DRC7: variants seen among roughly 807,000 people sequenced by gnomAD.
DRC7 encodes the protein coiled-coil domain containing 135.
DRC7 carries 80 observed loss-of-function variants against 104.4 expected under a neutral mutation model. The observed-to-expected ratio is 0.77, with a 90% confidence interval of 0.64 to 0.92. The LOEUF (loss-of-function observed/expected upper bound fraction) is 0.92. Among genes scored for constraint, DRC7 ranks in the 40% least tolerant of loss-of-function variants. DRC7 has a pLI of 0.00. For missense variants in DRC7, 1,034 were observed against 1,141.1 expected, an observed-to-expected ratio of 0.91 and a Z score of 1.35; for synonymous variants, 405 against 447.3, an observed-to-expected ratio of 0.91 and a Z score of 1.19.
rs1293591774 is a variant in DRC7 at position 57,724,791 on chromosome 16, A to G, written c.1714A>G (p.Lys572Glu). 6.2e-7 allele frequency: 1 copy of G among 1,613,746 alleles called. No homozygotes were observed. Among genetic ancestry groups the G allele is most frequent in the South Asian group, 1.1e-5 (1 of 91,074 alleles). ...TGCCAGCTTCGGACCCCGAGTCAAG[A>G]AGCTCACTCTGAGCAGTGCAGAGTC... The part of the protein sequence containing the change: ...RHASFGPRVK[K>E]LTLSSAESNP... The change falls in exon 13 of 19, where the codon AAG (lysine) becomes GAG (glutamate). Residue 572 changes from lysine (K) to glutamate (E), a missense_variant. Physicochemically the swap from Lys to Glu is moderately conservative, Grantham distance 56. Coordinates refer to ENST00000360716, the MANE Select transcript of DRC7 (RefSeq NM_001289162.2).
At chr16:57,696,683 A>G (rs975896739) in intron 2 of DRC7, 89 bp downstream of exon 2, 1 of 152,230 alleles carries the variant, frequency 6.6e-6, no homozygotes, top group African/African-American at 2.4e-5. Flanking sequence ...TGCGTGGATC[A>G]CAGAATGAAG....
chr16:57,727,195 T>A (rs554436609), intron 15 of DRC7, 104 bp from the exon 16 acceptor site: 2 of 930,898 alleles, frequency 2.1e-6, no homozygotes, highest in South Asian at 2.8e-5. Flanking sequence ...GGTCTCAAAC[T>A]CCTGAATTCA....
rs779873072 is a variant in DRC7 at position 57,724,641 on chromosome 16, G to A, written c.1564G>A (p.Glu522Lys). The A allele has an allele frequency of 6.2e-7, 1 of 1,613,686 alleles. No individual in the cohort carries two copies. The highest frequency in any genetic ancestry group is 8.5e-7 in the Non-Finnish European group (1 of 1,179,804). Residue 522 changes from glutamate (E) to lysine (K), a missense_variant, in exon 13 of 19, where the codon GAG (glutamate) becomes AAG (lysine). Transcript: ENST00000360716. ...GCACTCGTACAAGTCCATGCAACCTGAGATGGACCGTGTCATTGAGTTTTA... is the reference window on the plus strand; with the variant it reads ...GCACTCGTACAAGTCCATGCAACCTAAGATGGACCGTGTCATTGAGTTTTA... ...RVHSYKSMQP[E>K]MDRVIEFYET...
chr16:57,707,967 C>T (rs2048751262), intron 8 of DRC7: 2 of 460,208 alleles, frequency 4.3e-6, no homozygotes, highest in Non-Finnish European at 8.0e-6. Context: ...AAAGTACACT[C>T]ATCCCATGCA....
rs760477972 is a variant in DRC7, at chr16:57,726,237, A to G, written c.1928A>G (p.Lys643Arg). The change falls in exon 14 of 19, where the codon AAA becomes AGA. Residue 643 changes from lysine (K) to arginine (R), a missense_variant. Lys to Arg is a conservative substitution (Grantham distance 26). Coordinates refer to ENST00000360716, the MANE Select transcript of DRC7 (RefSeq NM_001289162.2). Reference sequence around the variant, plus strand: ...CTGCGGCGCACCGAGGTGGACAGCAAAGGCAACAAGATCATCATGACGCCC... The same window carrying G: ...CTGCGGCGCACCGAGGTGGACAGCAGAGGCAACAAGATCATCATGACGCCC... ...EFLRRTEVDS[K>R]GNKIIMTPDM... The G allele has an allele frequency of 1.9e-6, 3 of 1,612,878 alleles. No individual in the cohort carries two copies. The African/African-American group carries it at 4.0e-5, about 22-fold the overall frequency.
In DRC7 at chr16:57,697,955, G is replaced by T. The variant is rs759374758; in HGVS notation, c.6G>T (p.Glu2Asp). 4 of 1,612,548 alleles carry T rather than the reference G, an allele frequency of 2.5e-6. No individual in the cohort carries two copies. The highest frequency in any genetic ancestry group is 8.5e-7 in the Non-Finnish European group (1 of 1,179,796). The change falls in exon 3 of 19, where the codon GAG becomes GAT. Residue 2 changes from glutamate (E) to aspartate (D), a missense_variant. Transcript: ENST00000360716. The part of the protein sequence containing the change: M[E>D]VLREKVEEEE... Reference sequence around the variant, plus strand: ...ACACCCAGAGACGCTCCAGAATGGAGGTCCTGAGGGAGAAGGTGGAGGAGG... The same window carrying T: ...ACACCCAGAGACGCTCCAGAATGGATGTCCTGAGGGAGAAGGTGGAGGAGG...
At chr16:57,710,886 T>G (rs1261198747) in intron 8 of DRC7, among the ~76,000 whole-genome samples, 1 of 152,234 alleles carries the variant, frequency 6.6e-6, no homozygotes, top group African/African-American at 2.4e-5. Flanking sequence ...GGTGTTGAAC[T>G]GAAAATTTTG....
At chr16:57,719,738 G>A (rs1420951695) in intron 9 of DRC7, among the ~76,000 whole-genome samples, 1 of 152,014 alleles carries the variant, frequency 6.6e-6, no homozygotes, top group Non-Finnish European at 1.5e-5. Context: ...GAACTCCTGG[G>A]CTCAAGAGAT....
At chr16:57,720,599 A>G (rs892415478) in intron 9 of DRC7, among the ~76,000 whole-genome samples, 4 of 152,196 alleles carry the variant, frequency 2.6e-5, no homozygotes, top group Non-Finnish European at 5.9e-5. Flanking sequence ...AGACGGACAG[A>G]GGGCAGCCCA....
chr16:57,700,656 CAA>C (rs59120133), intron 5 of DRC7, among the ~76,000 whole-genome samples: 7 of 88,604 alleles, frequency 7.9e-5, no homozygotes, highest in South Asian at 4.4e-4. Context: ...AAAACTCTCT[CAA>C]AAAAAAAAAA....
intron 17 of DRC7, among the ~76,000 whole-genome samples, chr16:57,730,518 TG>T (rs1161936341): frequency 2.0e-5 from 3 of 152,034 alleles, no homozygotes; most frequent in Admixed American, 1.3e-4. Context: ...GACCCATTTT[TG>T]TTGGTCAGGC....
At chr16:57,700,120 A>C in intron 4 of DRC7, 25 bp from the exon 5 acceptor site, 1 of 1,611,152 alleles carries the variant, frequency 6.2e-7, no homozygotes, top group Non-Finnish European at 8.5e-7. Flanking sequence ...CCTTGACCCC[A>C]CTGGCACCAT....
rs756567148 is a variant in DRC7, at chr16:57,723,025, G to T, written c.1432G>T (p.Glu478Ter). ...AGGTACCAATATTTTGGAGATAAAG[G>T]AGTGGTACCAGAACCGGGAAGACAT... is the stretch of plus-strand genomic sequence containing the variant. ...LQCTNILEIK[E>*]WYQNREDMLE... Residue 478 changes from glutamate to a stop codon, truncating the protein, a stop_gained, in exon 12 of 19, where the codon GAG becomes TAG. Coordinates refer to ENST00000360716, the MANE Select transcript of DRC7 (RefSeq NM_001289162.2). LOFTEE classifies it high-confidence loss of function. 1.1e-5 allele frequency: 18 copies of T among 1,613,794 alleles called. No homozygotes were observed. Among genetic ancestry groups the T allele is most frequent in the Non-Finnish European group, 1.4e-5 (17 of 1,180,014 alleles).
intron 9 of DRC7, among the ~76,000 whole-genome samples, chr16:57,721,441 G>T (rs932585772): frequency 1.3e-5 from 2 of 152,160 alleles, no homozygotes; most frequent in East Asian, 3.9e-4. Context: ...AGCCAGGGCA[G>T]GGGGTGCTGC....
intron 16 of DRC7, among the ~76,000 whole-genome samples, chr16:57,727,943 G>A (rs1186446596): frequency 2.0e-5 from 3 of 152,196 alleles, no homozygotes; most frequent in Non-Finnish European, 4.4e-5. Flanking sequence ...CAGCCCCCAC[G>A]TCTCCAACTT....
chr16:57,725,972 T>C, intron 13 of DRC7, 96 bp from the exon 14 acceptor site: 1 of 1,026,344 alleles, frequency 9.7e-7, no homozygotes, highest in South Asian at 1.5e-5. Context: ...GACTCCAGTG[T>C]CCTGAACGTT....
chr16:57,715,203 A>T (rs965162446), intron 8 of DRC7, among the ~76,000 whole-genome samples: 15 of 152,070 alleles, frequency 9.9e-5, no homozygotes, highest in Non-Finnish European at 4.4e-5. Context: ...ATGCACTACC[A>T]CAAGTGGCTA....
chr16:57,701,911 G>T (rs1292821497), intron 5 of DRC7, 25 bp from the exon 6 acceptor site: 1 of 1,605,806 alleles, frequency 6.2e-7, no homozygotes, highest in South Asian at 1.1e-5. Flanking sequence ...GGCCCCAGCT[G>T]TGCTGACCGT....
chr16:57,721,598 C>T, intron 9 of DRC7, 69 bp from the exon 10 acceptor site: 1 of 1,258,316 alleles, frequency 7.9e-7, no homozygotes, highest in Non-Finnish European at 1.1e-6. Context: ...AGAGACAGAG[C>T]TTTGACCATA....
Sources: allele counts gnomAD v4.1 joint callset (sites outside exome capture counted in the v4.1 genomes callset), GRCh38; gene constraint gnomAD v4.1.1; transcripts MANE v1.5; gene names NCBI Gene and HGNC (gene_info 2026-07-23, HGNC 2026-07-21).